Variants in VAT1L observed in about 807,000 individuals in gnomAD.
VAT1L encodes the protein putative NADPH-dependent quinone oxidoreductase VAT1L.
Under a neutral mutation model 44.1 loss-of-function variants are expected in VAT1L, and 34 were observed. The observed-to-expected ratio is 0.77, with a 90% CI of 0.59 to 1.03. The LOEUF is 1.03. Among genes scored for constraint, VAT1L ranks in the 50% least tolerant of loss-of-function variants. VAT1L has a pLI of 0.00. For missense variants in VAT1L, 615 were observed against 538.8 expected (o/e 1.14, Z -1.40); for synonymous variants, 253 against 202.2 (o/e 1.25, Z -2.13).
intron 3 of VAT1L, among the ~76,000 whole-genome samples, chr16:77,860,326 G>T (rs1481398439): frequency 6.6e-6 from 1 of 152,168 alleles, no homozygotes; most frequent in Non-Finnish European, 1.5e-5. Flanking sequence ...AGTTGAGTGT[G>T]ATGTGTCGCT....
At chr16:77,812,020 T>C (rs929478537) in intron 1 of VAT1L, among the ~76,000 whole-genome samples, 4 of 151,878 alleles carry the variant, frequency 2.6e-5, no homozygotes, top group African/African-American at 9.7e-5. Flanking sequence ...GCACAGGGAT[T>C]AAAACCCAAG....
chr16:77,850,384 T>C (rs118139172), intron 3 of VAT1L, among the ~76,000 whole-genome samples: 3,145 of 152,278 alleles, frequency 0.021, 64 homozygotes, highest in East Asian at 0.082. Flanking sequence ...CTCAGGTGCT[T>C]AGCAGTAGAT....
intron 5 of VAT1L, among the ~76,000 whole-genome samples, chr16:77,878,128 A>C (rs1199265857): frequency 6.6e-6 from 1 of 152,204 alleles, no homozygotes; most frequent in African/African-American, 2.4e-5. Context: ...TCACTTGGTC[A>C]CTAATTAATC....
At chr16:77,976,361 GC>G (rs1353488080) in intron 8 of VAT1L, among the ~76,000 whole-genome samples, 1 of 152,176 alleles carries the variant, frequency 6.6e-6, no homozygotes, top group Non-Finnish European at 1.5e-5. Flanking sequence ...AGCAGGATGA[GC>G]CCTAAAGGAA....
intron 3 of VAT1L, among the ~76,000 whole-genome samples, chr16:77,831,420 C>G (rs998749091): frequency 6.6e-6 from 1 of 152,072 alleles, no homozygotes; most frequent in Non-Finnish European, 1.5e-5. Flanking sequence ...TTACTCCTGG[C>G]CAAATATTTG....
intron 5 of VAT1L, among the ~76,000 whole-genome samples, chr16:77,878,007 T>C (rs1465844921): frequency 2.0e-5 from 3 of 152,248 alleles, no homozygotes; most frequent in African/African-American, 7.2e-5. Context: ...TCCTTACTTA[T>C]CATTTACCAA....
chr16:77,857,632 A>G (rs1015193078), intron 3 of VAT1L, among the ~76,000 whole-genome samples: 7 of 150,668 alleles, frequency 4.6e-5, no homozygotes, highest in Non-Finnish European at 8.9e-5. Context: ...TGTTATTAGT[A>G]ATTCTATTTC....
intron 3 of VAT1L, among the ~76,000 whole-genome samples, chr16:77,832,253 G>A (rs1484648022): frequency 6.6e-6 from 1 of 152,120 alleles, no homozygotes; most frequent in Non-Finnish European, 1.5e-5. Context: ...TAAAACTAAA[G>A]TTATTCCAAG....
chr16:77,825,166 C>T, intron 2 of VAT1L, 80 bp from the exon 3 acceptor site: 2 of 1,519,460 alleles, frequency 1.3e-6, no homozygotes, highest in Non-Finnish European at 1.8e-6. Flanking sequence ...AGCGCCTGGC[C>T]AGCTCCCAGT....
At chr16:77,793,559 C>T (rs928427404) in intron 1 of VAT1L, among the ~76,000 whole-genome samples, 1 of 152,134 alleles carries the variant, frequency 6.6e-6, no homozygotes, top group Admixed American at 6.5e-5. Flanking sequence ...AGAGGGTCTC[C>T]AGGTTGGGCT....
intron 4 of VAT1L, 97 bp downstream of exon 4, chr16:77,862,987 A>T: frequency 7.1e-7 from 1 of 1,418,200 alleles, no homozygotes; most frequent in Non-Finnish European, 9.6e-7. Flanking sequence ...AATAATATGT[A>T]GCAAACATAT....
chr16:77,971,751 C>A, intron 7 of VAT1L, 99 bp from the exon 8 acceptor site: 1 of 1,290,952 alleles, frequency 7.7e-7, no homozygotes, highest in Non-Finnish European at 1.1e-6. Context: ...CCGCAGCGCC[C>A]TCTGGTGGTC....
intron 4 of VAT1L, among the ~76,000 whole-genome samples, chr16:77,867,210 T>A (rs1469815996): frequency 6.6e-6 from 1 of 152,150 alleles, no homozygotes; most frequent in Non-Finnish European, 1.5e-5. Flanking sequence ...TCCTCTTGGT[T>A]TACAAGAGGA....
chr16:77,959,230 G>A (rs1298752234), intron 7 of VAT1L, among the ~76,000 whole-genome samples: 1 of 152,114 alleles, frequency 6.6e-6, no homozygotes, highest in African/African-American at 2.4e-5. Context: ...CCTTCCAGTC[G>A]ATTAATTCAT....
chr16:77,810,587 C>G (rs937356314), intron 1 of VAT1L, among the ~76,000 whole-genome samples: 1 of 152,112 alleles, frequency 6.6e-6, no homozygotes, highest in Admixed American at 6.5e-5. Flanking sequence ...GGAGGATCAC[C>G]TGAGCCCAGG....
intron 7 of VAT1L, among the ~76,000 whole-genome samples, chr16:77,955,718 A>ATC (rs766176289): frequency 8.6e-6 from 1 of 116,444 alleles, no homozygotes; most frequent in Non-Finnish European, 1.8e-5. Context: ...GAGGCTCCAT[A>ATC]TCCCCCCCCC....
At chr16:77,907,838 G>T (rs547070020) in intron 7 of VAT1L, among the ~76,000 whole-genome samples, 5 of 152,148 alleles carry the variant, frequency 3.3e-5, no homozygotes, top group Non-Finnish European at 5.9e-5. Flanking sequence ...AAAGCCCTTA[G>T]CTATGTTTCT....
intron 3 of VAT1L, among the ~76,000 whole-genome samples, chr16:77,848,396 A>G (rs897807017): frequency 6.6e-6 from 1 of 152,134 alleles, no homozygotes; most frequent in African/African-American, 2.4e-5. Context: ...TGTGTTTTCA[A>G]TGCTCGTCAC....
chr16:77,933,670 A>G (rs913990380), intron 7 of VAT1L, among the ~76,000 whole-genome samples: 1 of 152,228 alleles, frequency 6.6e-6, no homozygotes. Flanking sequence ...AGGCTGAAGC[A>G]AAGGAGGAGA....
Sources: gnomAD v4.1 joint callset for allele counts (sites outside exome capture counted in the v4.1 genomes callset) on GRCh38, gnomAD v4.1.1 for gene constraint, MANE v1.5 for transcripts, NCBI Gene and HGNC (gene_info 2026-07-23, HGNC 2026-07-21) for gene names.